NOL4: variants seen among roughly 807,000 people sequenced by gnomAD.
NOL4 encodes nucleolar protein 4.
Under a neutral mutation model 75.9 loss-of-function variants are expected in NOL4, and 17 were observed. The ratio of observed to expected loss-of-function variants is 0.22; its 90% CI spans 0.15 to 0.34. The LOEUF is 0.34. Ranked by LOEUF, NOL4 falls within the 10% of genes least tolerant of loss-of-function variation. The pLI is 1.00. For synonymous variants in NOL4, 292 were observed against 289.9 expected (o/e 1.01, Z -0.07); for missense variants, 614 against 793.5 (o/e 0.77, Z 2.72).
chr18:33,924,567 T>A (rs756940094), intron 9 of NOL4, among the ~76,000 whole-genome samples: 2 of 152,166 alleles, frequency 1.3e-5, no homozygotes, highest in Non-Finnish European at 1.5e-5. Context: ...AAGTTACATA[T>A]GGATATTTAT....
Position 34,212,026 on chromosome 18 carries a change from C to T in NOL4, c.264+10964G>A, listed in dbSNP as rs557658135. 1.3e-4 allele frequency among the ~76,000 whole-genome samples: 19 copies of T among 151,874 alleles called. 1 individual carries two copies. Among genetic ancestry groups the T allele is most frequent in the Non-Finnish European group, 2.8e-4 (19 of 67,928 alleles). The stretch of plus-strand genomic sequence containing the variant: ...ATTGTTATATTTTCTTGTAAGTTTT[C>T]AAAAATCCTTTAATGTAAATTAATT... On this transcript the variant is annotated intron_variant, in intron 1 of 10. Transcript: ENST00000261592.
intron 5 of NOL4, among the ~76,000 whole-genome samples, chr18:34,084,932 T>C (rs1370419889): frequency 1.3e-5 from 2 of 152,212 alleles, no homozygotes; most frequent in Non-Finnish European, 2.9e-5. Context: ...AAGTAGTAGC[T>C]AGCTGACCCA....
At chr18:33,877,851 T>TGTGTGCGC (rs775873694) in intron 10 of NOL4, among the ~76,000 whole-genome samples, 1 of 148,494 alleles carries the variant, frequency 6.7e-6, no homozygotes, top group African/African-American at 2.5e-5. Flanking sequence ...TGTGTGTGTG[T>TGTGTGCGC]GCGCTATCAT....
intron 6 of NOL4, among the ~76,000 whole-genome samples, chr18:33,968,709 T>C (rs952221322): frequency 6.6e-6 from 1 of 152,138 alleles, no homozygotes; most frequent in Admixed American, 6.6e-5. Context: ...GGATCAATCA[T>C]ACCCCAAACT....
intron 1 of NOL4, among the ~76,000 whole-genome samples, chr18:34,136,307 A>G (rs1408583465): frequency 3.9e-5 from 6 of 152,226 alleles, no homozygotes; most frequent in African/African-American, 1.4e-4. Flanking sequence ...CTCTAGCCAC[A>G]TCTATTTAAC....
intron 6 of NOL4, among the ~76,000 whole-genome samples, chr18:33,994,842 A>C (rs1187062795): frequency 6.6e-6 from 1 of 151,728 alleles, no homozygotes; most frequent in Non-Finnish European, 1.5e-5. Flanking sequence ...GCAAAAACGA[A>C]TAAAATCAAA....
At chr18:34,160,436 T>A (rs1477063688) in intron 1 of NOL4, among the ~76,000 whole-genome samples, 1 of 152,120 alleles carries the variant, frequency 6.6e-6, no homozygotes, top group Non-Finnish European at 1.5e-5. Flanking sequence ...TGATTATATA[T>A]ATTATATACT....
At chr18:34,170,238 C>G (rs1329181022) in intron 1 of NOL4, among the ~76,000 whole-genome samples, 1 of 151,134 alleles carries the variant, frequency 6.6e-6, no homozygotes, top group African/African-American at 2.4e-5. Context: ...AGTACAATGG[C>G]ATGATCTCAA....
rs745708337 is a variant in NOL4, at chr18:33,852,949, T to C, written c.1810A>G (p.Thr604Ala). The change falls in exon 11 of 11, where the codon ACT becomes GCT. Residue 604 changes from threonine to alanine, a missense_variant. By Grantham distance (58) the Thr-to-Ala change is moderately conservative (BLOSUM62 0). Coordinates refer to ENST00000261592, the MANE Select transcript of NOL4 (RefSeq NM_003787.5). ...SSNSRPQLSP[T>A]EINAVRQLVA... The stretch of plus-strand genomic sequence containing the variant: ...AGCTGTCTCACGGCATTGATTTCAG[T>C]TGGACTCAGCTGGGGTCTGGAGTTT... 1.9e-6 allele frequency: 3 copies of C among 1,613,224 alleles called. No homozygotes were observed. The highest frequency in any genetic ancestry group is 2.2e-5 in the South Asian group (2 of 91,060).
intron 1 of NOL4, among the ~76,000 whole-genome samples, chr18:34,176,674 C>G (rs955286809): frequency 2.0e-5 from 3 of 152,036 alleles, no homozygotes; most frequent in African/African-American, 7.2e-5. Flanking sequence ...CATGAGCGCT[C>G]TCTCTCTCTA....
chr18:34,027,986 A>G (rs557285228), intron 5 of NOL4, among the ~76,000 whole-genome samples: 5 of 152,334 alleles, frequency 3.3e-5, no homozygotes, highest in Non-Finnish European at 7.4e-5. Flanking sequence ...TAAAACATTG[A>G]GTTCTCATCA....
At chr18:33,975,175 A>C (rs541183869) in intron 6 of NOL4, among the ~76,000 whole-genome samples, 1 of 152,300 alleles carries the variant, frequency 6.6e-6, no homozygotes, top group South Asian at 2.1e-4. Context: ...GAAGGAAGCA[A>C]AGGGGAATTC....
intron 5 of NOL4, among the ~76,000 whole-genome samples, chr18:34,059,736 G>A (rs1481483171): frequency 6.6e-6 from 1 of 152,106 alleles, no homozygotes; most frequent in African/African-American, 2.4e-5. Context: ...CTAACTCTTG[G>A]GAAGGTCTGT....
At chr18:34,122,175 T>G (rs952612302) in intron 2 of NOL4, among the ~76,000 whole-genome samples, 3 of 152,122 alleles carry the variant, frequency 2.0e-5, no homozygotes, top group African/African-American at 7.2e-5. Flanking sequence ...GAGGAAAGTG[T>G]TCACTCTGAG....
intron 1 of NOL4, among the ~76,000 whole-genome samples, chr18:34,134,303 T>C (rs2080791725): frequency 6.6e-6 from 1 of 152,024 alleles, no homozygotes; most frequent in African/African-American, 2.4e-5. Context: ...TTTGAATGTA[T>C]ATTGTATGCT....
chr18:34,040,199 A>G (rs1044695680), intron 5 of NOL4, among the ~76,000 whole-genome samples: 1 of 151,968 alleles, frequency 6.6e-6, no homozygotes, highest in Admixed American at 6.6e-5. Context: ...GGAAAGGTAC[A>G]TACCGAACTG....
At chr18:33,943,637 G>T (rs2068645104) in intron 8 of NOL4, among the ~76,000 whole-genome samples, 1 of 151,846 alleles carries the variant, frequency 6.6e-6, no homozygotes, top group Admixed American at 6.6e-5. Context: ...GAAATATTAT[G>T]AATATTTACA....
chr18:34,192,052 A>G (rs771057273), intron 1 of NOL4, among the ~76,000 whole-genome samples: 13 of 152,144 alleles, frequency 8.5e-5, no homozygotes, highest in African/African-American at 3.1e-4. Context: ...ACATCTCTCC[A>G]CTATGTCAGG....
intron 9 of NOL4, among the ~76,000 whole-genome samples, chr18:33,904,098 A>G (rs1456857956): frequency 1.3e-5 from 2 of 152,022 alleles, no homozygotes; most frequent in Non-Finnish European, 2.9e-5. Flanking sequence ...CTCTTATGTT[A>G]CTTGAAAAAG....
Sources: gnomAD v4.1 joint callset for allele counts (sites outside exome capture counted in the v4.1 genomes callset) on GRCh38, gnomAD v4.1.1 for gene constraint, MANE v1.5 for transcripts, NCBI Gene and HGNC (gene_info 2026-07-23, HGNC 2026-07-21) for gene names.